CPNE8: variants seen among roughly 807,000 people sequenced by gnomAD.
CPNE8 encodes the protein copine-8.
Under a neutral mutation model 81.5 loss-of-function variants are expected in CPNE8, and 45 were observed. That is an observed-to-expected ratio of 0.55 (90% CI 0.44 to 0.71). The LOEUF (loss-of-function observed/expected upper bound fraction) is 0.71. Among genes scored for constraint, CPNE8 ranks in the 30% least tolerant of loss-of-function variants. The pLI, the probability that CPNE8 is intolerant of heterozygous loss-of-function variation, is 0.00. For missense variants in CPNE8, 594 were observed against 672.1 expected (o/e 0.88, Z 1.28); for synonymous variants, 252 against 226.3 (o/e 1.11, Z -1.02).
At chr12:38,820,764 C>G (rs1056433947) in intron 6 of CPNE8, among the ~76,000 whole-genome samples, 1 of 152,170 alleles carries the variant, frequency 6.6e-6, no homozygotes, top group Non-Finnish European at 1.5e-5. Context: ...TGTTGAAACT[C>G]TGGGTGAATA....
At chr12:38,812,398 C>G (rs560537253) in intron 6 of CPNE8, among the ~76,000 whole-genome samples, 2 of 152,278 alleles carry the variant, frequency 1.3e-5, no homozygotes, top group African/African-American at 4.8e-5. Context: ...CCTCAGAAAA[C>G]TTACAATCAT....
chr12:38,861,415 C>T (rs749019330), intron 3 of CPNE8, among the ~76,000 whole-genome samples: 13 of 151,852 alleles, frequency 8.6e-5, no homozygotes, highest in Admixed American at 2.6e-4. Flanking sequence ...CAAATCAGAA[C>T]GAATATTAAA....
chr12:38,800,136 G>T (rs1223691733), intron 6 of CPNE8, among the ~76,000 whole-genome samples: 2 of 121,638 alleles, frequency 1.6e-5, no homozygotes, highest in African/African-American at 2.7e-5. Flanking sequence ...CAGGAAGCTC[G>T]AACTGGGTGG....
chr12:38,721,481 C>A (rs140097689), intron 13 of CPNE8, among the ~76,000 whole-genome samples: 8 of 152,290 alleles, frequency 5.3e-5, no homozygotes, highest in African/African-American at 1.9e-4. Flanking sequence ...GGAGCTACCC[C>A]CTGAGGGTCT....
intron 6 of CPNE8, among the ~76,000 whole-genome samples, chr12:38,807,995 T>C (rs924075629): frequency 6.6e-5 from 10 of 151,828 alleles, no homozygotes; most frequent in Admixed American, 4.6e-4. Flanking sequence ...AAAAAACACA[T>C]GGAAAAATGC....
intron 1 of CPNE8, among the ~76,000 whole-genome samples, chr12:38,879,779 T>C (rs1309606197): frequency 6.6e-6 from 1 of 152,160 alleles, no homozygotes; most frequent in African/African-American, 2.4e-5. Context: ...GCAATTTTGC[T>C]ATTTGTGATC....
At chr12:38,712,882 T>A (rs544286245) in intron 13 of CPNE8, among the ~76,000 whole-genome samples, 2 of 152,158 alleles carry the variant, frequency 1.3e-5, no homozygotes, top group African/African-American at 4.8e-5. Flanking sequence ...TTTCTTCATA[T>A]CTCTTATAAC....
chr12:38,812,087 GA>G (rs1942947821), intron 6 of CPNE8, among the ~76,000 whole-genome samples: 1 of 152,054 alleles, frequency 6.6e-6, no homozygotes, highest in Non-Finnish European at 1.5e-5. Context: ...GTCAATAGAA[GA>G]ACACCAAAAA....
At chr12:38,700,342 G>A (rs907501201) in intron 14 of CPNE8, among the ~76,000 whole-genome samples, 2 of 149,960 alleles carry the variant, frequency 1.3e-5, no homozygotes, top group East Asian at 2.0e-4. Context: ...AGGTTCAAGC[G>A]ATTCTCCTGT....
At chr12:38,906,526 G>T (rs902289818), upstream of CPNE8, 97 of 985,804 alleles carry the variant, frequency 9.8e-5, no homozygotes, top group Non-Finnish European at 1.1e-4. Context: ...CGGGGAGGGT[G>T]ATGTCACAAC....
chr12:38,717,719 G>T (rs921125390), intron 13 of CPNE8, among the ~76,000 whole-genome samples: 3 of 151,422 alleles, frequency 2.0e-5, no homozygotes, highest in African/African-American at 7.3e-5. Context: ...AGTGTATATT[G>T]CTCAGGTGAC....
chr12:38,809,238 G>A (rs768961556), intron 6 of CPNE8, among the ~76,000 whole-genome samples: 4 of 152,092 alleles, frequency 2.6e-5, no homozygotes, highest in Admixed American at 1.3e-4. Context: ...TCAAGGTGTC[G>A]GCCAGCTTGT....
intron 1 of CPNE8, among the ~76,000 whole-genome samples, chr12:38,881,010 A>T (rs1256514881): frequency 1.3e-5 from 2 of 152,072 alleles, no homozygotes; most frequent in African/African-American, 4.8e-5. Flanking sequence ...GGAGATTGAG[A>T]CCATCCTAGC....
chr12:38,793,722 A>C (rs1241881767), intron 6 of CPNE8, among the ~76,000 whole-genome samples: 1 of 152,012 alleles, frequency 6.6e-6, no homozygotes, highest in Non-Finnish European at 1.5e-5. Context: ...AAAAAAAATC[A>C]ATCTATAATT....
chr12:38,792,330 A>C (rs2136931733), intron 6 of CPNE8, among the ~76,000 whole-genome samples: 1 of 151,466 alleles, frequency 6.6e-6, no homozygotes, highest in African/African-American at 2.4e-5. Context: ...AAATTGAAAA[A>C]CCCTTAGCTA....
intron 6 of CPNE8, among the ~76,000 whole-genome samples, chr12:38,786,393 G>A (rs1402772122): frequency 6.6e-6 from 1 of 152,100 alleles, no homozygotes; most frequent in Non-Finnish European, 1.5e-5. Flanking sequence ...AGCTGCCTGT[G>A]CAGATAGAAT....
intron 14 of CPNE8, among the ~76,000 whole-genome samples, chr12:38,694,699 C>A (rs1232403455): frequency 6.6e-6 from 1 of 152,196 alleles, no homozygotes; most frequent in African/African-American, 2.4e-5. Flanking sequence ...AAATTCACAA[C>A]AAGTTGCCCT....
At chr12:38,741,262 T>C (rs890718390) in intron 10 of CPNE8, among the ~76,000 whole-genome samples, 1 of 152,104 alleles carries the variant, frequency 6.6e-6, no homozygotes. Context: ...GGAGGCATCA[T>C]GCTACCTGAC....
intron 1 of CPNE8, among the ~76,000 whole-genome samples, chr12:38,886,143 C>T (rs1944234230): frequency 6.6e-6 from 1 of 152,146 alleles, no homozygotes; most frequent in Non-Finnish European, 1.5e-5. Context: ...CCAGCTTTTC[C>T]CCACTTCAGT....
Sources: allele counts gnomAD v4.1 joint callset (sites outside exome capture counted in the v4.1 genomes callset), GRCh38; gene constraint gnomAD v4.1.1; transcripts MANE v1.5; gene names NCBI Gene and HGNC (gene_info 2026-07-23, HGNC 2026-07-21).